ANO4: variants seen among roughly 807,000 people sequenced by gnomAD.
The protein encoded by ANO4 is anoctamin 4, also known as anoctamin-4.
Under a neutral mutation model 141.9 loss-of-function variants are expected in ANO4, and 69 were observed. The observed-to-expected ratio is 0.49, with a 90% CI of 0.40 to 0.59. The LOEUF (loss-of-function observed/expected upper bound fraction) is 0.59. Ranked by LOEUF, ANO4 falls within the 20% of genes least tolerant of loss-of-function variation. The probability of loss-of-function intolerance (pLI) is 0.00; values close to 1 mark genes in which losing one functional copy is unlikely to be tolerated. For synonymous variants in ANO4, 350 were observed against 394.3 expected (o/e 0.89, Z 1.33); for missense variants, 894 against 1,162.2 (o/e 0.77, Z 3.36).
chr12:100,955,084 A>G (rs1391165857), intron 5 of ANO4, among the ~76,000 whole-genome samples: 2 of 152,228 alleles, frequency 1.3e-5, no homozygotes, highest in African/African-American at 4.8e-5. Flanking sequence ...GCACACGTGT[A>G]TTGAGCGTCT....
At chr12:100,909,741 G>A (rs559371142) in intron 2 of ANO4, among the ~76,000 whole-genome samples, 2 of 152,136 alleles carry the variant, frequency 1.3e-5, no homozygotes, top group Non-Finnish European at 2.9e-5. Context: ...CATTACACTG[G>A]TTCTGAAAGC....
At chr12:101,060,074 G>T (rs769708045) in intron 14 of ANO4, among the ~76,000 whole-genome samples, 2 of 152,180 alleles carry the variant, frequency 1.3e-5, no homozygotes, top group African/African-American at 2.4e-5. Flanking sequence ...ATTCTGGTAC[G>T]TTGTGCCTTT....
At chr12:100,914,802 C>T (rs1327180889) in intron 2 of ANO4, among the ~76,000 whole-genome samples, 1 of 151,884 alleles carries the variant, frequency 6.6e-6, no homozygotes, top group East Asian at 1.9e-4. Context: ...ACAGAATGGA[C>T]CTCCCTCCCT....
At chr12:100,981,097 T>C (rs1309648957) in intron 7 of ANO4, among the ~76,000 whole-genome samples, 1 of 152,180 alleles carries the variant, frequency 6.6e-6, no homozygotes, top group African/African-American at 2.4e-5. Flanking sequence ...ATACATTCAA[T>C]GCAGTCACAA....
At chr12:100,896,696 A>G (rs1026983861) in intron 1 of ANO4, among the ~76,000 whole-genome samples, 2 of 152,208 alleles carry the variant, frequency 1.3e-5, no homozygotes, top group African/African-American at 2.4e-5. Flanking sequence ...TAAAAAAGTA[A>G]GGGGAGGTAG....
intron 8 of ANO4, among the ~76,000 whole-genome samples, chr12:100,996,417 G>A (rs1206878581): frequency 6.6e-6 from 1 of 152,230 alleles, no homozygotes; most frequent in Non-Finnish European, 1.5e-5. Context: ...GGGTGCAGTG[G>A]CTCATGCCTG....
intron 24 of ANO4, among the ~76,000 whole-genome samples, chr12:101,111,926 A>T (rs748648966): frequency 6.6e-6 from 1 of 152,172 alleles, no homozygotes; most frequent in Non-Finnish European, 1.5e-5. Flanking sequence ...GTTGGAGGAC[A>T]TACAAGTCAG....
chr12:100,733,166 G>A (rs2031454377), intron 1 of ANO4, among the ~76,000 whole-genome samples: 1 of 152,086 alleles, frequency 6.6e-6, no homozygotes, highest in East Asian at 1.9e-4. Flanking sequence ...TGCTTTCTAG[G>A]CAGAAGCCAA....
At chr12:100,744,822 T>C (rs1380373026) in intron 3 of ANO4, among the ~76,000 whole-genome samples, 1 of 152,196 alleles carries the variant, frequency 6.6e-6, no homozygotes, top group Non-Finnish European at 1.5e-5. Flanking sequence ...AGACTAGTGC[T>C]GCTAGCAGTC....
At chr12:100,788,318 A>G (rs1005141994) in intron 3 of ANO4, among the ~76,000 whole-genome samples, 17 of 152,244 alleles carry the variant, frequency 1.1e-4, no homozygotes, top group African/African-American at 3.9e-4. Context: ...AATGGGATCT[A>G]TTGAACTTCC....
intron 14 of ANO4, among the ~76,000 whole-genome samples, chr12:101,062,902 C>T (rs585550): frequency 0.24 from 35,971 of 152,108 alleles, 4,660 homozygotes; most frequent in East Asian, 0.55. Context: ...ACAGCTCTGT[C>T]TTGCTGGCAT....
At chr12:101,058,622 C>A (rs889858582) in intron 14 of ANO4, among the ~76,000 whole-genome samples, 15 of 152,104 alleles carry the variant, frequency 9.9e-5, no homozygotes, top group African/African-American at 3.6e-4. Context: ...CTCTTTGTAG[C>A]AATTGTGAAT....
chr12:100,718,677 G>A (rs2030722029), intron 1 of ANO4, among the ~76,000 whole-genome samples: 1 of 152,178 alleles, frequency 6.6e-6, no homozygotes, highest in South Asian at 2.1e-4. Context: ...CAAATTGTGA[G>A]CAGATTACAA....
intron 1 of ANO4, among the ~76,000 whole-genome samples, chr12:100,832,923 T>C (rs2036704074): frequency 6.6e-6 from 1 of 152,190 alleles, no homozygotes; most frequent in Admixed American, 6.6e-5. Flanking sequence ...GCTAACACTT[T>C]AAACACTTAT....
chr12:100,731,827 CTCATT>C (rs2031392556), intron 1 of ANO4, among the ~76,000 whole-genome samples: 1 of 152,276 alleles, frequency 6.6e-6, no homozygotes, highest in African/African-American at 2.4e-5. Flanking sequence ...GACCTGATAG[CTCATT>C]TCATTTTAGT....
intron 14 of ANO4, among the ~76,000 whole-genome samples, chr12:101,056,013 G>T (rs2048102143): frequency 6.6e-6 from 1 of 152,186 alleles, no homozygotes; most frequent in Admixed American, 6.5e-5. Context: ...TATTATGTTT[G>T]ATGTGTATGT....
At chr12:100,735,955 C>G (rs759197420) in intron 2 of ANO4, among the ~76,000 whole-genome samples, 1 of 152,138 alleles carries the variant, frequency 6.6e-6, no homozygotes, top group Non-Finnish European at 1.5e-5. Context: ...AGAATTAGTA[C>G]GTTGTGTGTG....
intron 1 of ANO4, among the ~76,000 whole-genome samples, chr12:100,827,426 C>T (rs1032790634): frequency 2.0e-5 from 3 of 151,742 alleles, no homozygotes; most frequent in African/African-American, 4.8e-5. Flanking sequence ...GAAAGAAATA[C>T]CCCCCCATAA....
chr12:100,943,927 G>T lies in ANO4; in HGVS notation c.456+1392G>T, dbSNP rs1173874582. On this transcript the variant is annotated intron_variant, in intron 5 of 27. Coordinates refer to ENST00000392977, the MANE Select transcript of ANO4 (RefSeq NM_001286615.2). ...CTAAGTGGCAGAATTTTTATATGAA[G>T]AAATAAAAGATCTGAATTGCTACTT... 2.0e-5 allele frequency among the ~76,000 whole-genome samples: 3 copies of T among 152,016 alleles called. No homozygotes were observed. The East Asian group carries it at 5.8e-4, about 29-fold the overall frequency.
Sources: allele counts gnomAD v4.1 joint callset (sites outside exome capture counted in the v4.1 genomes callset), GRCh38; gene constraint gnomAD v4.1.1; transcripts MANE v1.5; gene names NCBI Gene and HGNC (gene_info 2026-07-23, HGNC 2026-07-21).